Variants in N4BP2L2 observed in about 807,000 individuals in gnomAD.
N4BP2L2 encodes NEDD4 binding protein 2 like 2.
N4BP2L2 carries 50 observed loss-of-function variants against 56.2 expected under a neutral mutation model. The observed-to-expected ratio is 0.89, with a 90% confidence interval of 0.71 to 1.13. The LOEUF is 1.13. Ranked by LOEUF, N4BP2L2 falls within the 50% of genes most tolerant of loss-of-function variation. The pLI is 0.00. For missense variants in N4BP2L2, 689 were observed against 693.8 expected (o/e 0.99, Z 0.08); for synonymous variants, 203 against 223.6 (o/e 0.91, Z 0.82).
At chr13:32,486,798 GACC>G (rs2085977213) in intron 6 of N4BP2L2, among the ~76,000 whole-genome samples, 1 of 151,972 alleles carries the variant, frequency 6.6e-6, no homozygotes, top group East Asian at 1.9e-4. Flanking sequence ...AGCAGATCGA[GACC>G]ATCCTGGATA....
exon 6 of N4BP2L2, chr13:32,510,991 A>G (rs2048006342): frequency 6.6e-6 from 1 of 152,020 alleles, no homozygotes; most frequent in South Asian, 2.1e-4. Flanking sequence ...AAAAAAGATA[A>G]CTATGTGGTT....
chr13:32,441,840 A>G (rs1030865242), intron 7 of N4BP2L2, among the ~76,000 whole-genome samples: 2 of 149,676 alleles, frequency 1.3e-5, no homozygotes, highest in Non-Finnish European at 1.5e-5. Flanking sequence ...TCAGGAGATC[A>G]AGACCATCCT....
intron 6 of N4BP2L2, among the ~76,000 whole-genome samples, chr13:32,484,191 C>T (rs767013308): frequency 2.6e-5 from 4 of 151,628 alleles, no homozygotes; most frequent in Non-Finnish European, 5.9e-5. Context: ...AGTGTGGTGG[C>T]GCACGTCTGT....
At chr13:32,509,557 G>C (rs553313750), downstream of N4BP2L2, among the ~76,000 whole-genome samples, 2 of 152,102 alleles carry the variant, frequency 1.3e-5, no homozygotes, top group Non-Finnish European at 2.9e-5. Flanking sequence ...ACACAGTAGT[G>C]ATCCAAAGAT....
chr13:32,434,814 A>G (rs890681471), intron 9 of N4BP2L2, among the ~76,000 whole-genome samples: 8 of 152,182 alleles, frequency 5.3e-5, no homozygotes, highest in Non-Finnish European at 1.0e-4. Context: ...CACTCATAAA[A>G]TTCCCTAAAA....
exon 6 of N4BP2L2, chr13:32,517,827 C>T (rs752218341): frequency 6.2e-7 from 1 of 1,613,554 alleles, no homozygotes; most frequent in Non-Finnish European, 8.5e-7. Flanking sequence ...GACACAGACA[C>T]GATTATGTGA....
chr13:32,504,097 A>G (rs751678593), intron 6 of N4BP2L2, among the ~76,000 whole-genome samples: 56 of 152,212 alleles, frequency 3.7e-4, no homozygotes, highest in Non-Finnish European at 7.1e-4. Flanking sequence ...GAAACAACAT[A>G]TAACAGATGA....
chr13:32,516,806 T>C, exon 6 of N4BP2L2: 1 of 685,652 alleles, frequency 1.5e-6, no homozygotes, highest in South Asian at 6.6e-5. Context: ...TTTTTCCTCA[T>C]GTTGCAAAGA....
At chr13:32,538,317 A>G (rs908476659) in intron 1 of N4BP2L2, among the ~76,000 whole-genome samples, 1 of 152,190 alleles carries the variant, frequency 6.6e-6, no homozygotes, top group South Asian at 2.1e-4. Flanking sequence ...ATGTGTCAGA[A>G]AAGTCCCGAA....
At chr13:32,504,079 A>C (rs1482538421) in intron 6 of N4BP2L2, among the ~76,000 whole-genome samples, 1 of 152,154 alleles carries the variant, frequency 6.6e-6, no homozygotes, top group African/African-American at 2.4e-5. Context: ...AAACTCCAAA[A>C]ATTTTTCGAA....
intron 6 of N4BP2L2, chr13:32,446,695 C>T (rs57828454): frequency 0.047 from 8,918 of 188,266 alleles, 867 homozygotes; most frequent in African/African-American, 0.2. Context: ...GTTACTGAAA[C>T]ACACTTCATC....
chr13:32,444,548 T>C (rs1220556717), intron 6 of N4BP2L2, among the ~76,000 whole-genome samples: 1 of 152,230 alleles, frequency 6.6e-6, no homozygotes, highest in East Asian at 1.9e-4. Flanking sequence ...ATTACAGGCA[T>C]GAGCCACTGC....
exon 7 of N4BP2L2, chr13:32,442,798 G>A (rs2076564648): frequency 6.2e-7 from 1 of 1,613,704 alleles, no homozygotes; most frequent in South Asian, 1.1e-5. Flanking sequence ...TCTGTTAAAT[G>A]ACAGGCAATG....
chr13:32,510,872 T>C (rs540531591), exon 6 of N4BP2L2: 2 of 152,014 alleles, frequency 1.3e-5, no homozygotes, highest in Non-Finnish European at 2.9e-5. Flanking sequence ...TTAACTTTCC[T>C]GATAAATCAA....
chr13:32,462,867 A>C lies in N4BP2L2; in HGVS notation c.366-18741T>G, dbSNP rs973311594. On this transcript the variant is annotated intron_variant, in intron 6 of 9. Coordinates refer to the N4BP2L2 transcript ENST00000357505. Reference sequence around the variant, plus strand: ...GGTGAAACCCTGTCTTTACTAAAAAAAAAAAAAAAAAAAAAAAAAAAAAAA... The same window carrying C: ...GGTGAAACCCTGTCTTTACTAAAAACAAAAAAAAAAAAAAAAAAAAAAAAA... Among the ~76,000 whole-genome samples the C allele has an allele frequency of 5.5e-5, 7 of 126,674 alleles. No individual in the cohort carries two copies. The East Asian group carries it at 1.4e-3, about 26-fold the overall frequency. The allele number at this position is 126,674 out of a possible 152,430, so 83.1% of individuals were successfully genotyped here.
At chr13:32,455,545 C>T (rs938446039) in intron 6 of N4BP2L2, among the ~76,000 whole-genome samples, 5 of 152,156 alleles carry the variant, frequency 3.3e-5, no homozygotes, top group Non-Finnish European at 5.9e-5. Context: ...TTGCACATGC[C>T]GAGGACAGGT....
chr13:32,458,382 T>C (rs1290108766), intron 6 of N4BP2L2, among the ~76,000 whole-genome samples: 11 of 152,136 alleles, frequency 7.2e-5, no homozygotes, highest in Admixed American at 6.5e-4. Context: ...TTTTTTAAAT[T>C]ACCCAATTAC....
intron 6 of N4BP2L2, chr13:32,477,242 A>G (rs1006952086): frequency 4.5e-5 from 15 of 331,398 alleles, no homozygotes; most frequent in African/African-American, 2.8e-4. Flanking sequence ...AAGGCTTACA[A>G]GGGCTAAAAG....
chr13:32,477,207 A>T, intron 6 of N4BP2L2: 1 of 443,008 alleles, frequency 2.3e-6, no homozygotes, highest in South Asian at 2.3e-5. Context: ...GGTGGAGGAG[A>T]GGATGCCCTG....
Sources: allele counts gnomAD v4.1 joint callset (sites outside exome capture counted in the v4.1 genomes callset), GRCh38; gene constraint gnomAD v4.1.1; transcripts MANE v1.5; gene names NCBI Gene and HGNC (gene_info 2026-07-23, HGNC 2026-07-21).